MGAT4C: variants seen among roughly 807,000 people sequenced by gnomAD.
MGAT4C encodes the protein alpha-1,3-mannosyl-glycoprotein 4-beta-N-acetylglucosaminyltransferase C.
In MGAT4C, 19 loss-of-function variants were observed where a neutral mutation model predicts 40.1. The ratio of observed to expected loss-of-function variants is 0.47; its 90% CI spans 0.33 to 0.70. The LOEUF (loss-of-function observed/expected upper bound fraction) is 0.70, where lower values mean the gene tolerates loss of function less well. Ranked by LOEUF, MGAT4C falls within the 30% of genes least tolerant of loss-of-function variation. The pLI is 0.02. For missense variants in MGAT4C, 491 were observed against 563.2 expected (o/e 0.87, Z 1.30); for synonymous variants, 181 against 187.1 (o/e 0.97, Z 0.27).
At chr12:85,988,587 C>G (rs1885515933) in intron 3 of MGAT4C, among the ~76,000 whole-genome samples, 2 of 151,556 alleles carry the variant, frequency 1.3e-5, no homozygotes, top group African/African-American at 4.8e-5. Flanking sequence ...TAATAACATA[C>G]AAATTAGGAC....
Position 86,476,038 on chromosome 12 carries a change from G to T in MGAT4C, c.-228-40773C>A, listed in dbSNP as rs546269296. ...CACATCCATCACCTTCCATAGTAAT[G>T]TCTCATTGTACATGTGTGCACGTGT... On this transcript the variant is annotated intron_variant, in intron 2 of 7. Transcript: ENST00000548651. Among the ~76,000 whole-genome samples, 90 of 152,094 alleles carry T rather than the reference G, an allele frequency of 5.9e-4. 1 individual carries two copies. The South Asian group carries it at 0.011, about 19-fold the overall frequency.
chr12:86,785,902 A>G (rs1344215380), intron 1 of MGAT4C, among the ~76,000 whole-genome samples: 1 of 152,028 alleles, frequency 6.6e-6, no homozygotes, highest in Non-Finnish European at 1.5e-5. Context: ...GTCCAAAGAA[A>G]CATTCCAAGT....
Position 86,290,575 on chromosome 12 carries a change from G to A in MGAT4C, c.-57+43490C>T, listed in dbSNP as rs764015078. On this transcript the variant is annotated intron_variant, in intron 4 of 7. Coordinates refer to the MGAT4C transcript ENST00000548651. ...GATTGCAAGAGAATAAAGTAGGTTG[G>A]TCCCTTGGTGATTAAAATGAAAACA... is the stretch of plus-strand genomic sequence containing the variant. Among the ~76,000 whole-genome samples the A allele has an allele frequency of 2.0e-5, 3 of 152,058 alleles. No individual in the cohort carries two copies. The East Asian group carries it at 5.8e-4, about 29-fold the overall frequency.
chr12:86,736,779 T>G (rs1461912263), intron 1 of MGAT4C, among the ~76,000 whole-genome samples: 1 of 151,838 alleles, frequency 6.6e-6, no homozygotes, highest in Admixed American at 6.6e-5. Flanking sequence ...AAAGACAAAT[T>G]ACAAAAACTG....
At chr12:86,706,335 A>AT (rs1262928827) in intron 2 of MGAT4C, among the ~76,000 whole-genome samples, 1 of 152,176 alleles carries the variant, frequency 6.6e-6, no homozygotes, top group Non-Finnish European at 1.5e-5. Flanking sequence ...TGAGAATTGG[A>AT]TTTTTTAGGG....
chr12:86,836,182 C>A (rs951851938), intron 1 of MGAT4C, among the ~76,000 whole-genome samples: 1 of 151,954 alleles, frequency 6.6e-6, no homozygotes, highest in African/African-American at 2.4e-5. Context: ...AACACTTTGA[C>A]ATGTGAAATA....
intron 2 of MGAT4C, among the ~76,000 whole-genome samples, chr12:86,539,682 C>T (rs1959138560): frequency 6.6e-6 from 1 of 152,058 alleles, no homozygotes; most frequent in African/African-American, 2.4e-5. Flanking sequence ...CTCTCCAGCA[C>T]CTGTTTCCTG....
intron 2 of MGAT4C, among the ~76,000 whole-genome samples, chr12:86,691,641 A>G (rs1026167209): frequency 2.0e-5 from 3 of 152,158 alleles, no homozygotes; most frequent in Non-Finnish European, 4.4e-5. Flanking sequence ...GATGCAAAAT[A>G]AATCATCTAT....
intron 4 of MGAT4C, among the ~76,000 whole-genome samples, chr12:86,279,869 A>G (rs188546884): frequency 4.0e-5 from 6 of 151,016 alleles, no homozygotes; most frequent in African/African-American, 1.2e-4. Flanking sequence ...AAATTTTTCA[A>G]TTTTCTTAGT....
chr12:86,203,045 TG>T (rs1950107311), intron 1 of MGAT4C, among the ~76,000 whole-genome samples: 1 of 151,644 alleles, frequency 6.6e-6, no homozygotes, highest in Non-Finnish European at 1.5e-5. Context: ...TGTGTGTGTG[TG>T]TGTGTGTGTT....
intron 1 of MGAT4C, among the ~76,000 whole-genome samples, chr12:86,109,268 C>T (rs754221641): frequency 2.6e-5 from 4 of 152,066 alleles, no homozygotes; most frequent in African/African-American, 9.7e-5. Context: ...TAATAGGTCT[C>T]CTCTTTTTGT....
intron 1 of MGAT4C, among the ~76,000 whole-genome samples, chr12:86,238,066 A>C (rs968087483): frequency 1.3e-5 from 2 of 151,930 alleles, no homozygotes; most frequent in African/African-American, 4.8e-5. Context: ...GAGTTTGTTT[A>C]GTCATTTCCC....
intron 2 of MGAT4C, among the ~76,000 whole-genome samples, chr12:86,040,861 A>C (rs1160788966): frequency 2.0e-5 from 3 of 152,168 alleles, no homozygotes; most frequent in Non-Finnish European, 4.4e-5. Flanking sequence ...GTGTTGCGAA[A>C]ACCATGGGAA....
chr12:86,000,701 C>A (rs889792461), intron 2 of MGAT4C, among the ~76,000 whole-genome samples: 1 of 152,036 alleles, frequency 6.6e-6, no homozygotes, highest in African/African-American at 2.4e-5. Context: ...TATTTGATAA[C>A]ATTTTAAGTA....
At chr12:86,030,946 C>T (rs547897224) in intron 2 of MGAT4C, among the ~76,000 whole-genome samples, 73 of 151,654 alleles carry the variant, frequency 4.8e-4, no homozygotes, top group Middle Eastern at 3.4e-3. Flanking sequence ...TTAGAGTCTA[C>T]GGTGATAGTG....
At chr12:86,084,372 A>C (rs1255307447) in intron 1 of MGAT4C, among the ~76,000 whole-genome samples, 1 of 152,072 alleles carries the variant, frequency 6.6e-6, no homozygotes, top group Non-Finnish European at 1.5e-5. Context: ...GTAATATTTT[A>C]TTGATAAATC....
chr12:86,366,763 G>C (rs1306622857), intron 3 of MGAT4C, among the ~76,000 whole-genome samples: 1 of 151,998 alleles, frequency 6.6e-6, no homozygotes, highest in Non-Finnish European at 1.5e-5. Flanking sequence ...ATTAGATCCA[G>C]CAATAATCCA....
At chr12:86,452,366 C>G (rs1194684842) in intron 2 of MGAT4C, among the ~76,000 whole-genome samples, 3 of 151,008 alleles carry the variant, frequency 2.0e-5, no homozygotes, top group Admixed American at 6.6e-5. Context: ...CCCCACCCCA[C>G]AACAGGCCCC....
chr12:86,373,082 TA>T (rs1331559665), intron 3 of MGAT4C, among the ~76,000 whole-genome samples: 1 of 151,736 alleles, frequency 6.6e-6, no homozygotes, highest in Non-Finnish European at 1.5e-5. Context: ...TTTGATATAT[TA>T]ACTCATTTAA....
Sources: allele counts gnomAD v4.1 joint callset (sites outside exome capture counted in the v4.1 genomes callset), GRCh38; gene constraint gnomAD v4.1.1; transcripts MANE v1.5; gene names NCBI Gene and HGNC (gene_info 2026-07-23, HGNC 2026-07-21).